The following SLC39A6 variants were observed in gnomAD, a reference collection of about 807,000 sequenced individuals.
SLC39A6 encodes the protein solute carrier family 39 member 6.
In SLC39A6, 51 loss-of-function variants were observed where a neutral mutation model predicts 63.5. The observed-to-expected ratio is 0.80, with a 90% CI of 0.64 to 1.01. SLC39A6 has a LOEUF of 1.01. SLC39A6 is among the 50% of genes least tolerant of loss of function. The probability of loss-of-function intolerance (pLI) is 0.00; values close to 1 mark genes in which losing one functional copy is unlikely to be tolerated. For missense variants in SLC39A6, 805 were observed against 927.8 expected (o/e 0.87, Z 1.72); for synonymous variants, 318 against 324.7 (o/e 0.98, Z 0.22).
At chr18:36,127,955 G>A (rs2089456415) in intron 1 of SLC39A6, among the ~76,000 whole-genome samples, 1 of 151,662 alleles carries the variant, frequency 6.6e-6, no homozygotes, top group African/African-American at 2.4e-5. Flanking sequence ...TCTTTTTTCC[G>A]ACTTGACAAT....
rs375087704 is a variant in SLC39A6 at position 36,127,199 on chromosome 18, G to A, written c.-9-183C>T. ...AACTAGAGTCCTAGGCTCTACCCTT[G>A]CATTCCTAAAACACATGAAACAACT... On this transcript the variant is annotated intron_variant, in intron 1 of 9. Coordinates refer to ENST00000269187, the MANE Select transcript of SLC39A6 (RefSeq NM_012319.4). Among the ~76,000 whole-genome samples, 50 of 152,330 alleles carry A rather than the reference G, an allele frequency of 3.3e-4. 2 individuals carry two copies. In the South Asian group the frequency reaches 9.5e-3, roughly 29 times the overall value.
In SLC39A6 at chr18:36,127,030, G is replaced by T; in HGVS notation, c.-9-14C>A. On this transcript the variant is annotated splice_polypyrimidine_tract_variant and intron_variant, in intron 1 of 9. Coordinates refer to ENST00000269187, the MANE Select transcript of SLC39A6 (RefSeq NM_012319.4). ...CATTGCGCCTTCCTAGAAAAGACAG[G>T]AAAAAAAAATTCTTGACTCACTTCT... 6.4e-7 allele frequency: 1 copy of T among 1,552,678 alleles called. No homozygotes were observed. The highest frequency in any genetic ancestry group is 8.7e-7 in the Non-Finnish European group (1 of 1,152,786).
In SLC39A6 at chr18:36,108,582, C is replaced by A. The variant is rs996174059; in HGVS notation, c.*1011G>T. ...GTAAAAAAGAAACATCTAGAGAATG[C>A]CACAGACAGGCCTAGTATGGCTACA... is the stretch of plus-strand genomic sequence containing the variant. On this transcript the variant is annotated 3_prime_UTR_variant, in exon 10 of 10. Transcript: ENST00000269187. 9.2e-5 allele frequency: 14 copies of A among 152,054 alleles called. No individual in the cohort carries two copies. The highest frequency in any genetic ancestry group is 2.9e-4 in the African/African-American group (12 of 41,384). The allele number at this position is 152,054 out of a possible 1,614,324, so 9.4% of individuals were successfully genotyped here.
chr18:36,129,255 T>C lies in SLC39A6; in HGVS notation c.-151A>G, dbSNP rs1181455170. The stretch of plus-strand genomic sequence containing the variant: ...GCGAACACGCGGTGGTTTCATTGGG[T>C]TGGCTGCCCCTCGGTCCGGGGGCAG... On this transcript the variant is annotated 5_prime_UTR_variant, in exon 1 of 10. Transcript: ENST00000269187. 1 of 155,684 alleles carries C rather than the reference T, an allele frequency of 6.4e-6. No homozygotes were observed. Among genetic ancestry groups the C allele is most frequent in the African/African-American group, 2.4e-5 (1 of 41,464 alleles). The allele number at this position is 155,684 out of a possible 1,614,324, so 9.6% of individuals were successfully genotyped here.
chr18:36,117,281 T>A (rs1224392113), intron 5 of SLC39A6, among the ~76,000 whole-genome samples: 3 of 152,174 alleles, frequency 2.0e-5, no homozygotes, highest in African/African-American at 7.2e-5. Flanking sequence ...CCTTCAGGCA[T>A]CTAGTGATCT....
chr18:36,111,318 C>T (rs1567956564), intron 8 of SLC39A6, 69 bp from the exon 9 acceptor site: 5 of 1,477,038 alleles, frequency 3.4e-6, no homozygotes, highest in South Asian at 2.6e-5. Flanking sequence ...TACCAAGATA[C>T]TTCCCAGATT....
Position 36,124,501 on chromosome 18 carries a change from A to C in SLC39A6, c.970+19T>G, listed in dbSNP as rs2089419376. On this transcript the variant is annotated intron_variant, in intron 3 of 9. Coordinates refer to ENST00000269187, the MANE Select transcript of SLC39A6 (RefSeq NM_012319.4). Reference sequence around the variant, plus strand: ...ATGAATCTACTGAAATTGTTTTTACATAAAAAAGGCAATTTTACCTATTTG... The same window carrying C: ...ATGAATCTACTGAAATTGTTTTTACCTAAAAAAGGCAATTTTACCTATTTG... 6.7e-7 allele frequency: 1 copy of C among 1,495,532 alleles called. No homozygotes were observed. 92.6% of individuals were successfully genotyped at this position (1,495,532 alleles called of 1,614,324 possible). A position where few individuals can be genotyped will look rare whatever the true frequency, so the allele number is the denominator to read the frequency against.
At position 36,109,725 on chromosome 18, in the gene SLC39A6, A is replaced by G; in HGVS notation, c.2136T>C (p.Asn712=). 6.2e-7 allele frequency: 1 copy of G among 1,608,156 alleles called. No homozygotes were observed. The highest frequency in any genetic ancestry group is 8.5e-7 in the Non-Finnish European group (1 of 1,178,132). ...GGCTACATCCATGGTCACTAGCATC[A>G]TTGTGCAGCATTTCAGGTACCTTTA... ...LVDMVPEMLH[N]DASDHGCSRW... The change falls in exon 10 of 10, where the codon AAT becomes AAC. Residue 712 remains asparagine (N), a synonymous_variant. Coordinates refer to ENST00000269187, the MANE Select transcript of SLC39A6 (RefSeq NM_012319.4).
Position 36,126,786 on chromosome 18 carries a change from C to T in SLC39A6, c.222G>A (p.Gly74=), listed in dbSNP as rs1346888903. The change falls in exon 2 of 10, where the codon GGG becomes GGA. Residue 74 remains glycine, a synonymous_variant. Coordinates refer to ENST00000269187, the MANE Select transcript of SLC39A6 (RefSeq NM_012319.4). ...YGENNSLSVE[G]FRKLLQNIGI... ...CTATATTTTGAAGTAATTTTCTGAA[C>T]CCTTCAACTGACAAAGAATTATTTT... 2 of 1,614,140 alleles carry T rather than the reference C, an allele frequency of 1.2e-6. No individual in the cohort carries two copies. The highest frequency in any genetic ancestry group is 2.2e-5 in the East Asian group (1 of 44,882).
At chr18:36,111,977 AG>A (rs2089304723) in intron 8 of SLC39A6, among the ~76,000 whole-genome samples, 1 of 152,206 alleles carries the variant, frequency 6.6e-6, no homozygotes, top group Non-Finnish European at 1.5e-5. Context: ...ACAGCTGAAG[AG>A]TTCAATGCTA....
At position 36,111,202 on chromosome 18, in the gene SLC39A6, C is replaced by G. The variant is rs1269169389; in HGVS notation, c.1972G>C (p.Val658Leu). ...LKAGMTVKQA[V>L]LYNALSAMLA... ...ATGGCTGACAATGCATTATAAAGGA[C>G]AGCCTGCTTAACGGTCATGCCAGCC... is the stretch of plus-strand genomic sequence containing the variant. The change falls in exon 9 of 10, where the codon GTC (valine) becomes CTC (leucine). Residue 658 changes from valine to leucine, a missense_variant. By Grantham distance (32) the Val-to-Leu change is conservative. Around this residue, in one of 4 missense-constraint regions of SLC39A6, gnomAD observed 145 missense variants for 227.2 expected, o/e 0.64. Transcript: ENST00000269187. The G allele has an allele frequency of 6.2e-7, 1 of 1,614,080 alleles. No homozygotes were observed. Among genetic ancestry groups the G allele is most frequent in the Admixed American group, 1.7e-5 (1 of 60,028 alleles).
intron 4 of SLC39A6, among the ~76,000 whole-genome samples, chr18:36,122,612 C>T (rs1210423033): frequency 6.6e-6 from 1 of 152,092 alleles, no homozygotes; most frequent in Non-Finnish European, 1.5e-5. Context: ...ACTGAAAAGC[C>T]CATACCAATG....
At chr18:36,115,828 T>C (rs1406874332) in intron 6 of SLC39A6, among the ~76,000 whole-genome samples, 1 of 152,114 alleles carries the variant, frequency 6.6e-6, no homozygotes, top group Non-Finnish European at 1.5e-5. Flanking sequence ...TCCGACAAGA[T>C]ATGCCAAGCA....
In SLC39A6 at chr18:36,129,185, G is replaced by A. The variant is rs2089495362; in HGVS notation, c.-81C>T. The A allele has an allele frequency of 6.5e-6, 1 of 153,760 alleles. No homozygotes were observed. 9.5% of individuals were successfully genotyped at this position (153,760 alleles called of 1,614,324 possible). ...TGGTTCCACACGGGCGGTCCAGAGG[G>A]CTCGGAACGGGCCCACTGGTGTCTT... On this transcript the variant is annotated 5_prime_UTR_variant, in exon 1 of 10. Coordinates refer to ENST00000269187, the MANE Select transcript of SLC39A6 (RefSeq NM_012319.4).
In SLC39A6 at chr18:36,126,781, C is replaced by A. The variant is rs192661987; in HGVS notation, c.227G>T (p.Arg76Ile). 9.9e-6 allele frequency: 16 copies of A among 1,614,186 alleles called. No homozygotes were observed. In the East Asian group the frequency reaches 3.3e-4, roughly 34 times the overall value. ...TATGCCTATATTTTGAAGTAATTTT[C>A]TGAACCCTTCAACTGACAAAGAATT... ...ENNSLSVEGF[R>I]KLLQNIGIDK... Residue 76 changes from arginine (R) to isoleucine (I), a missense_variant, in exon 2 of 10, where the codon AGA (arginine) becomes ATA (isoleucine). Arg to Ile is a moderately conservative substitution (Grantham distance 97). This residue lies in a region of SLC39A6 where 639 missense variants were observed against 644.0 expected (regional missense o/e 0.99). Transcript: ENST00000269187.
In SLC39A6 at chr18:36,111,096, G is replaced by C. The variant is rs1431144350; in HGVS notation, c.2078C>G (p.Thr693Ser). 1.9e-6 allele frequency: 3 copies of C among 1,614,036 alleles called. No homozygotes were observed. Among genetic ancestry groups the C allele is most frequent in the Non-Finnish European group, 2.5e-6 (3 of 1,179,988 alleles). ...ENVSMWIFAL[T>S]AGLFMYVALV... ...AGCAACATACATGAATAAGCCAGCA[G>C]TAAGTGCAAATATCCACATAGAAAC... Residue 693 changes from threonine to serine, a missense_variant, in exon 9 of 10, where the codon ACT becomes AGT. Physicochemically the swap from Thr to Ser is moderately conservative, Grantham distance 58 (BLOSUM62 1). Coordinates refer to ENST00000269187, the MANE Select transcript of SLC39A6 (RefSeq NM_012319.4).
chr18:36,128,356 A>G (rs2089466403), intron 1 of SLC39A6, among the ~76,000 whole-genome samples: 1 of 152,202 alleles, frequency 6.6e-6, no homozygotes, highest in African/African-American at 2.4e-5. Flanking sequence ...TCTCGCATTC[A>G]TTACCTTATC....
In SLC39A6 at chr18:36,126,803, A is replaced by T; in HGVS notation, c.205T>A (p.Ser69Thr). ...QLFYRYGENN[S>T]LSVEGFRKLL... ...TTTCTGAACCCTTCAACTGACAAAG[A>T]ATTATTTTCTCCATAGCGGTAGAAA... Residue 69 changes from serine to threonine, a missense_variant, in exon 2 of 10, where the codon TCT becomes ACT. Physicochemically the swap from Ser to Thr is moderately conservative, Grantham distance 58. This residue lies in a region of SLC39A6 where 639 missense variants were observed against 644.0 expected (regional missense o/e 0.99). Coordinates refer to ENST00000269187, the MANE Select transcript of SLC39A6 (RefSeq NM_012319.4). 1 of 1,614,188 alleles carries T rather than the reference A, an allele frequency of 6.2e-7. No homozygotes were observed. Among genetic ancestry groups the T allele is most frequent in the Non-Finnish European group, 8.5e-7 (1 of 1,180,044 alleles).
intron 2 of SLC39A6, among the ~76,000 whole-genome samples, chr18:36,125,113 G>C (rs2089425410): frequency 6.6e-6 from 1 of 152,126 alleles, no homozygotes; most frequent in Non-Finnish European, 1.5e-5. Flanking sequence ...ACAAGTCCAA[G>C]ACATGCCTCT....
Sources: allele counts gnomAD v4.1 joint callset (sites outside exome capture counted in the v4.1 genomes callset), GRCh38; gene constraint gnomAD v4.1.1; regional missense constraint gnomAD v4.1.1; transcripts MANE v1.5; gene names NCBI Gene and HGNC (gene_info 2026-07-23, HGNC 2026-07-21).